Variants in TGFBR3 observed in about 807,000 individuals in gnomAD.
TGFBR3 encodes transforming growth factor beta receptor type 3.
TGFBR3 carries 46 observed loss-of-function variants against 87.9 expected under a neutral mutation model. The ratio of observed to expected loss-of-function variants is 0.52; its 90% confidence interval spans 0.41 to 0.67. The LOEUF is 0.67. Among genes scored for constraint, TGFBR3 ranks in the 30% least tolerant of loss-of-function variants. TGFBR3 has a pLI of 0.00. For synonymous variants in TGFBR3, 381 were observed against 391.6 expected (o/e 0.97, Z 0.32); for missense variants, 866 against 1,041.9 (o/e 0.83, Z 2.32).
At chr1:91,881,166 G>C (rs1262619867) in intron 1 of TGFBR3, among the ~76,000 whole-genome samples, 1 of 152,024 alleles carries the variant, frequency 6.6e-6, no homozygotes. Flanking sequence ...TGTAAAGTCA[G>C]GACCTTTCAC....
chr1:91,686,907 C>T (rs1441150177), intron 16 of TGFBR3, among the ~76,000 whole-genome samples: 56 of 152,282 alleles, frequency 3.7e-4, no homozygotes, highest in Admixed American at 3.5e-3. Context: ...TCAAGGAGGG[C>T]GCCTTGCTTG....
At chr1:91,690,581 G>A (rs1054836695) in intron 16 of TGFBR3, among the ~76,000 whole-genome samples, 1 of 152,062 alleles carries the variant, frequency 6.6e-6, no homozygotes, top group South Asian at 2.1e-4. Context: ...TTTGCCATGC[G>A]CTTCACTATT....
At chr1:91,787,315 TA>T (rs113771961) in intron 3 of TGFBR3, among the ~76,000 whole-genome samples, 3,386 of 141,898 alleles carry the variant, frequency 0.024, 49 homozygotes, top group Middle Eastern at 0.054. Flanking sequence ...AAGTAATAAT[TA>T]AAAAAAAAAA....
chr1:91,869,217 T>A (rs1277824730), intron 1 of TGFBR3, among the ~76,000 whole-genome samples: 1 of 152,202 alleles, frequency 6.6e-6, no homozygotes, highest in Non-Finnish European at 1.5e-5. Flanking sequence ...CAGGTTGTAA[T>A]TATTATGTAA....
intron 5 of TGFBR3, among the ~76,000 whole-genome samples, chr1:91,731,541 T>C (rs12070846): frequency 0.18 from 27,521 of 152,164 alleles, 2,836 homozygotes; most frequent in Non-Finnish European, 0.23. Flanking sequence ...GATGAGCAAA[T>C]GAGGTATGCA....
At chr1:91,754,526 C>T (rs1673671961) in intron 4 of TGFBR3, among the ~76,000 whole-genome samples, 1 of 152,198 alleles carries the variant, frequency 6.6e-6, no homozygotes, top group South Asian at 2.1e-4. Flanking sequence ...CTTCATCCCA[C>T]TCATATTTCC....
intron 4 of TGFBR3, among the ~76,000 whole-genome samples, chr1:91,735,220 T>C (rs1238994810): frequency 6.6e-6 from 1 of 152,196 alleles, no homozygotes; most frequent in Non-Finnish European, 1.5e-5. Context: ...GCACATTGAG[T>C]AATCGTAAGA....
chr1:91,716,765 G>T (rs1272670469), intron 10 of TGFBR3, 57 bp from the exon 11 acceptor site: 1 of 1,604,174 alleles, frequency 6.2e-7, no homozygotes, highest in African/African-American at 1.3e-5. Context: ...ATGTGTGTTT[G>T]GTTCTGCCTC....
chr1:91,738,831 G>A (rs1673050594), intron 4 of TGFBR3, among the ~76,000 whole-genome samples: 1 of 152,192 alleles, frequency 6.6e-6, no homozygotes. Flanking sequence ...GAGACACAGT[G>A]GAGAATATGA....
At chr1:91,691,845 G>A (rs1029793767) in intron 16 of TGFBR3, among the ~76,000 whole-genome samples, 1 of 152,144 alleles carries the variant, frequency 6.6e-6, no homozygotes, top group Admixed American at 6.5e-5. Flanking sequence ...GAGACAGCTG[G>A]CAGGGTCAGC....
chr1:91,757,589 T>C (rs1000393987), intron 4 of TGFBR3, among the ~76,000 whole-genome samples: 1 of 152,352 alleles, frequency 6.6e-6, no homozygotes, highest in African/African-American at 2.4e-5. Context: ...CTAACTCCTT[T>C]GCTCCTTCTA....
At chr1:91,752,066 T>C (rs1330281955) in intron 4 of TGFBR3, among the ~76,000 whole-genome samples, 1 of 152,112 alleles carries the variant, frequency 6.6e-6, no homozygotes, top group East Asian at 1.9e-4. Flanking sequence ...TATAACTAGT[T>C]AGTGGCAGAG....
intron 3 of TGFBR3, among the ~76,000 whole-genome samples, chr1:91,769,694 G>C (rs1404879124): frequency 6.6e-6 from 1 of 151,438 alleles, no homozygotes; most frequent in African/African-American, 2.4e-5. Context: ...CTGTTTCCAT[G>C]TGTGTATTTT....
At chr1:91,822,903 G>C (rs1571545821) in intron 2 of TGFBR3, among the ~76,000 whole-genome samples, 1 of 152,146 alleles carries the variant, frequency 6.6e-6, no homozygotes, top group Admixed American at 6.5e-5. Context: ...TCCAGCCTGG[G>C]TGACAGAACT....
rs759218481 is a variant in TGFBR3 at position 91,734,956 on chromosome 1, A to C, written c.388T>G (p.Ser130Ala). The C allele has an allele frequency of 5.6e-6, 9 of 1,614,050 alleles. No individual in the cohort carries two copies. The East Asian group carries it at 2.0e-4, about 36-fold the overall frequency. ...ATGVSRLFLVSEGSVVQFSSA... is the reference protein window; with the variant it reads ...ATGVSRLFLVAEGSVVQFSSA... Reference sequence around the variant, plus strand: ...GAAAACTGGACCACAGAACCCTCAGACACCTAGAGGAAAGAGAATTGCGTA... The same window carrying C: ...GAAAACTGGACCACAGAACCCTCAGCCACCTAGAGGAAAGAGAATTGCGTA... Residue 130 changes from serine to alanine, a missense_variant, in exon 5 of 17, where the codon TCT becomes GCT. Coordinates refer to ENST00000212355, the MANE Select transcript of TGFBR3 (RefSeq NM_003243.5).
intron 1 of TGFBR3, among the ~76,000 whole-genome samples, chr1:91,882,561 G>A (rs953426915): frequency 9.9e-5 from 15 of 152,030 alleles, no homozygotes; most frequent in African/African-American, 3.4e-4. Flanking sequence ...TGGCTAACAC[G>A]GTGAAACCCC....
intron 1 of TGFBR3, among the ~76,000 whole-genome samples, chr1:91,867,521 C>T (rs930797948): frequency 6.6e-6 from 1 of 152,172 alleles, no homozygotes; most frequent in Non-Finnish European, 1.5e-5. Context: ...GCACAACACA[C>T]CTCACTCCCA....
chr1:91,856,164 A>G (rs560382982), intron 2 of TGFBR3, among the ~76,000 whole-genome samples: 160 of 152,152 alleles, frequency 1.1e-3, no homozygotes, highest in Middle Eastern at 3.4e-3. Flanking sequence ...CCGGGTTCAC[A>G]CCATTCTTCT....
rs1003898489 is a variant in TGFBR3, at chr1:91,708,726, T to C, written c.2224A>G (p.Met742Val). The C allele has an allele frequency of 6.2e-7, 1 of 1,614,078 alleles. No individual in the cohort carries two copies. Among genetic ancestry groups the C allele is most frequent in the Non-Finnish European group, 8.5e-7 (1 of 1,179,986 alleles). The change falls in exon 14 of 17, where the codon ATG (methionine) becomes GTG (valine). Residue 742 changes from methionine to valine, a missense_variant. By Grantham distance (21) the Met-to-Val change is conservative. Transcript: ENST00000212355. ...TTAGTGAACGTCTTCTTATTCTGCA[T>C]CATGGCCCAGATTATCGAGGCGTCC... ...SLDASIIWAM[M>V]QNKKTFTKPL...
Sources: gnomAD v4.1 joint callset for allele counts (sites outside exome capture counted in the v4.1 genomes callset) on GRCh38, gnomAD v4.1.1 for gene constraint, MANE v1.5 for transcripts, NCBI Gene and HGNC (gene_info 2026-07-23, HGNC 2026-07-21) for gene names.